Variants in PPP1R21 observed in about 807,000 individuals in gnomAD.
The protein encoded by PPP1R21 is KLRAQ motif containing 1.
In PPP1R21, 85 loss-of-function variants were observed where a neutral mutation model predicts 112.8. The observed-to-expected ratio is 0.75, with a 90% confidence interval of 0.63 to 0.90. PPP1R21 has a LOEUF of 0.90. PPP1R21 is among the 40% of genes least tolerant of loss of function. The pLI is 0.00. For missense variants in PPP1R21, 1,199 were observed against 901.5 expected (o/e 1.33, Z -4.23); for synonymous variants, 381 against 322.3 (o/e 1.18, Z -1.95).
At chr2:48,484,830 G>C (rs1263602534) in intron 13 of PPP1R21, among the ~76,000 whole-genome samples, 2 of 152,148 alleles carry the variant, frequency 1.3e-5, no homozygotes, top group Non-Finnish European at 2.9e-5. Context: ...TAAACATTTT[G>C]ATTGTGAGAA....
chr2:48,445,716 A>G (rs770868525), intron 1 of PPP1R21, among the ~76,000 whole-genome samples: 1 of 152,244 alleles, frequency 6.6e-6, no homozygotes, highest in Non-Finnish European at 1.5e-5. Context: ...GCATGGGAGC[A>G]GGAGCAGGAG....
At chr2:48,443,619 G>T (rs956877504) in intron 1 of PPP1R21, among the ~76,000 whole-genome samples, 1 of 152,172 alleles carries the variant, frequency 6.6e-6, no homozygotes, top group Non-Finnish European at 1.5e-5. Context: ...ATTGGACCAG[G>T]CCATTTTTCA....
At chr2:48,484,883 C>G (rs774567513) in intron 13 of PPP1R21, among the ~76,000 whole-genome samples, 2 of 152,134 alleles carry the variant, frequency 1.3e-5, no homozygotes, top group Non-Finnish European at 2.9e-5. Flanking sequence ...TAGTATTGTA[C>G]TTTTTTCATG....
chr2:48,510,097 A>T lies in PPP1R21; in HGVS notation c.2168A>T (p.Asn723Ile). 1.2e-6 allele frequency: 2 copies of T among 1,613,730 alleles called. No homozygotes were observed. The highest frequency in any genetic ancestry group is 1.7e-6 in the Non-Finnish European group (2 of 1,179,680). The change falls in exon 20 of 22, where the codon AAC becomes ATC. Residue 723 changes from asparagine (N) to isoleucine (I), a missense_variant. Transcript: ENST00000294952. ...GAAGAAATGAAACTTGCCAGTCAGA[A>T]CATCAGCAGACTTCAGGTGAGTTAA... ...LTEEMKLASQ[N>I]ISRLQDELTT...
At chr2:48,500,572 A>C (rs542626479) in intron 17 of PPP1R21, among the ~76,000 whole-genome samples, 1 of 152,186 alleles carries the variant, frequency 6.6e-6, no homozygotes, top group Non-Finnish European at 1.5e-5. Flanking sequence ...ACCTAAAAAC[A>C]ACAACAACAA....
rs535499119 is a variant in PPP1R21 at position 48,515,084 on chromosome 2, A to G, written c.*340A>G. Reference sequence around the variant, plus strand: ...TTTGTATACTTTCAAACTCAATTATATGGTAATCGATTTGGTATCTATGGA... The same window carrying G: ...TTTGTATACTTTCAAACTCAATTATGTGGTAATCGATTTGGTATCTATGGA... On this transcript the variant is annotated 3_prime_UTR_variant, in exon 22 of 22. Coordinates refer to ENST00000294952, the MANE Select transcript of PPP1R21 (RefSeq NM_001135629.3). 66 of 246,572 alleles carry G rather than the reference A, an allele frequency of 2.7e-4. 2 individuals are homozygous for G. The East Asian group carries it at 5.6e-3, about 21-fold the overall frequency. 15.3% of individuals were successfully genotyped at this position (246,572 alleles called of 1,614,324 possible). A position where few individuals can be genotyped will look rare whatever the true frequency, so the allele number is the denominator to read the frequency against.
At chr2:48,503,122 C>T (rs1187278200) in intron 17 of PPP1R21, among the ~76,000 whole-genome samples, 2 of 152,096 alleles carry the variant, frequency 1.3e-5, no homozygotes. Flanking sequence ...AGTAAAAGCA[C>T]AGAACAATAT....
At chr2:48,479,776 G>A (rs1668923525) in intron 12 of PPP1R21, 148 bp from the exon 13 acceptor site, 1 of 650,056 alleles carries the variant, frequency 1.5e-6, no homozygotes, top group African/African-American at 1.8e-5. Context: ...TCACCATTAT[G>A]TCTGAATGTA....
At chr2:48,474,658 T>C in intron 11 of PPP1R21, 25 bp from the exon 12 acceptor site, 1 of 1,592,134 alleles carries the variant, frequency 6.3e-7, no homozygotes, top group Non-Finnish European at 8.5e-7. Flanking sequence ...GGATGCTCAC[T>C]TCTTAAAAAT....
chr2:48,501,016 G>A (rs554065405), intron 17 of PPP1R21, among the ~76,000 whole-genome samples: 55 of 152,292 alleles, frequency 3.6e-4, no homozygotes, highest in South Asian at 2.1e-3. Flanking sequence ...CACACTCACA[G>A]GACAATCCTG....
chr2:48,503,349 C>T (rs541914933), intron 17 of PPP1R21, among the ~76,000 whole-genome samples: 4 of 152,224 alleles, frequency 2.6e-5, no homozygotes, highest in Admixed American at 6.5e-5. Flanking sequence ...TTATAAGAAA[C>T]TCAGTAGAAA....
intron 20 of PPP1R21, 91 bp from the exon 21 acceptor site, chr2:48,511,249 C>G (rs62135170): frequency 8.0e-7 from 1 of 1,255,934 alleles, no homozygotes; most frequent in African/African-American, 1.5e-5. Flanking sequence ...TATAATTTCC[C>G]TACTCCACAT....
chr2:48,458,206 G>C lies in PPP1R21; in HGVS notation c.354G>C (p.Glu118Asp). ...AAGATCTGCAAAAGAAGATAGAAGA[G>C]AATGAACGGTTGCATATACAAGTGA... ...FDEDLQKKIE[E>D]NERLHIQFFE... Residue 118 changes from glutamate (E) to aspartate (D), a missense_variant, in exon 4 of 22, where the codon GAG (glutamate) becomes GAC (aspartate). By Grantham distance (45) the Glu-to-Asp change is conservative. Transcript: ENST00000294952. 1 of 1,610,862 alleles carries C rather than the reference G, an allele frequency of 6.2e-7. No homozygotes were observed. Among genetic ancestry groups the C allele is most frequent in the Non-Finnish European group, 8.5e-7 (1 of 1,177,620 alleles).
chr2:48,469,262 T>A (rs922400186), intron 9 of PPP1R21, among the ~76,000 whole-genome samples: 1 of 4,624 alleles, frequency 2.2e-4, no homozygotes, highest in Admixed American at 2.7e-3. Flanking sequence ...ATATTTGAAT[T>A]GTGTGTGTGT....
Position 48,491,090 on chromosome 2 carries a change from G to C in PPP1R21, c.1519G>C (p.Gly507Arg). 1 of 1,614,020 alleles carries C rather than the reference G, an allele frequency of 6.2e-7. No individual in the cohort carries two copies. Among genetic ancestry groups the C allele is most frequent in the Non-Finnish European group, 8.5e-7 (1 of 1,179,934 alleles). The change falls in exon 15 of 22, where the codon GGA becomes CGA. Residue 507 changes from glycine to arginine, a missense_variant. Gly to Arg is a moderately radical substitution (Grantham distance 125, BLOSUM62 -2). Coordinates refer to ENST00000294952, the MANE Select transcript of PPP1R21 (RefSeq NM_001135629.3). ...SLSYGPKAAS[G>R]FISPLSAECM... The stretch of plus-strand genomic sequence containing the variant: ...GAGCTATGGACCTAAGGCAGCGAGT[G>C]GATTCATTAGTCCTCTTTCAGCTGA...
At chr2:48,487,443 A>T (rs1669353292) in intron 14 of PPP1R21, among the ~76,000 whole-genome samples, 1 of 152,078 alleles carries the variant, frequency 6.6e-6, no homozygotes, top group Non-Finnish European at 1.5e-5. Flanking sequence ...TTCACTATAA[A>T]CTAACTAAAG....
intron 21 of PPP1R21, 134 bp downstream of exon 21, chr2:48,511,602 C>G (rs1247470238): frequency 1.9e-6 from 2 of 1,073,402 alleles, no homozygotes; most frequent in Non-Finnish European, 2.6e-6. Context: ...TGGCTTAAGC[C>G]TGTAATCCCA....
intron 15 of PPP1R21, 74 bp from the exon 16 acceptor site, chr2:48,495,605 C>A: frequency 1.3e-6 from 1 of 790,270 alleles, no homozygotes; most frequent in Non-Finnish European, 2.2e-6. Context: ...GTTTAGCATT[C>A]TTTGTGTATG....
chr2:48,501,121 G>GA (rs761263857), intron 17 of PPP1R21, among the ~76,000 whole-genome samples: 30 of 152,184 alleles, frequency 2.0e-4, no homozygotes, highest in Non-Finnish European at 3.5e-4. Flanking sequence ...CATATCAGTG[G>GA]TTTAGCATTT....
Sources: gnomAD v4.1 joint callset for allele counts (sites outside exome capture counted in the v4.1 genomes callset) on GRCh38, gnomAD v4.1.1 for gene constraint, MANE v1.5 for transcripts, NCBI Gene and HGNC (gene_info 2026-07-23, HGNC 2026-07-21) for gene names.